Variants in GALNT1 observed in about 807,000 individuals in gnomAD.
GALNT1 encodes the protein GalNAc transferase 1.
Under a neutral mutation model 65.7 loss-of-function variants are expected in GALNT1, and 17 were observed. The observed-to-expected ratio is 0.26, with a 90% CI of 0.18 to 0.39. GALNT1 has a LOEUF of 0.39. Among genes scored for constraint, GALNT1 ranks in the 10% least tolerant of loss-of-function variants. The pLI is 1.00. For missense variants in GALNT1, 460 were observed against 672.8 expected (o/e 0.68, Z 3.50); for synonymous variants, 210 against 219.7 (o/e 0.96, Z 0.39).
At chr18:35,684,179 C>A (rs2144612115) in intron 5 of GALNT1, among the ~76,000 whole-genome samples, 1 of 152,322 alleles carries the variant, frequency 6.6e-6, no homozygotes, top group African/African-American at 2.4e-5. Flanking sequence ...AACCTGACTT[C>A]AGTCTGCTAG....
rs1234471657 is a variant in GALNT1 at position 35,599,584 on chromosome 18, A to G, written c.-104+17722A>G. On this transcript the variant is annotated intron_variant, in intron 1 of 11. Coordinates refer to ENST00000269195, the MANE Select transcript of GALNT1 (RefSeq NM_020474.4). ...ACCTGGTTTCACCAGGCTGGTCCCA[A>G]ACTCCTGAGCTCAAGCAGTCTGCCC... 3.9e-5 allele frequency among the ~76,000 whole-genome samples: 6 copies of G among 152,166 alleles called. No individual in the cohort carries two copies. In the East Asian group the frequency reaches 1.2e-3, roughly 29 times the overall value.
intron 1 of GALNT1, among the ~76,000 whole-genome samples, chr18:35,614,090 A>G (rs2046752238): frequency 6.6e-6 from 1 of 152,244 alleles, no homozygotes; most frequent in African/African-American, 2.4e-5. Flanking sequence ...AGACCGTGTA[A>G]TCAGGCATTC....
chr18:35,703,592 G>A lies in GALNT1; in HGVS notation c.1482G>A (p.Met494Ile), dbSNP rs750493267. ...CCAAACTTAATGGCCCAGTTACAAT[G>A]CTCAAATGCCACCACCTAAAAGGCA... ...DVSKLNGPVT[M>I]LKCHHLKGNQ... Residue 494 changes from methionine (M) to isoleucine (I), a missense_variant, in exon 11 of 12, where the codon ATG (methionine) becomes ATA (isoleucine). Physicochemically the swap from Met to Ile is conservative, Grantham distance 10. Transcript: ENST00000269195. 6 of 1,613,974 alleles carry A rather than the reference G, an allele frequency of 3.7e-6. No individual in the cohort carries two copies. The South Asian group carries it at 6.6e-5, about 18-fold the overall frequency.
chr18:35,627,419 A>G (rs1485225762), intron 1 of GALNT1: 3 of 152,144 alleles, frequency 2.0e-5, no homozygotes, highest in Non-Finnish European at 4.4e-5. Context: ...TAGGACATTC[A>G]TTTTTCAACA....
At position 35,692,192 on chromosome 18, in the gene GALNT1, G is replaced by T; in HGVS notation, c.1171G>T (p.Val391Leu). 6.2e-7 allele frequency: 1 copy of T among 1,607,084 alleles called. No homozygotes were observed. The highest frequency in any genetic ancestry group is 8.5e-7 in the Non-Finnish European group (1 of 1,176,990). ...ATTTCTTTCAACAGGTGTTACAAAG[G>T]TAGATTATGGAGATATATCGTCAAG... Reference protein sequence around the residue: ...FYIISPGVTKVDYGDISSRVG... With the variant: ...FYIISPGVTKLDYGDISSRVG... The change falls in exon 9 of 12, where the codon GTA (valine) becomes TTA (leucine). Residue 391 changes from valine to leucine, a missense_variant. Coordinates refer to ENST00000269195, the MANE Select transcript of GALNT1 (RefSeq NM_020474.4).
intron 3 of GALNT1, among the ~76,000 whole-genome samples, chr18:35,673,625 A>G (rs1461466095): frequency 2.0e-5 from 3 of 152,210 alleles, no homozygotes; most frequent in Non-Finnish European, 4.4e-5. Context: ...TTTTTTAGAG[A>G]TGGAGTCTCA....
chr18:35,601,219 A>G (rs534087482), intron 1 of GALNT1, among the ~76,000 whole-genome samples: 1 of 152,024 alleles, frequency 6.6e-6, no homozygotes, highest in South Asian at 2.1e-4. Context: ...TAGGTTTTCC[A>G]ATTTTTTGGT....
chr18:35,632,003 G>C, intron 1 of GALNT1, among the ~76,000 whole-genome samples: 1 of 152,132 alleles, frequency 6.6e-6, no homozygotes, highest in South Asian at 2.1e-4. Flanking sequence ...GGATGTGAAG[G>C]ACCTCTTCAA....
At chr18:35,670,538 C>G (rs993968542) in intron 3 of GALNT1, among the ~76,000 whole-genome samples, 3 of 152,126 alleles carry the variant, frequency 2.0e-5, no homozygotes, top group Non-Finnish European at 4.4e-5. Context: ...TTCATGGGGT[C>G]AGACTCCTTA....
intron 1 of GALNT1, among the ~76,000 whole-genome samples, chr18:35,632,825 A>G (rs1486163121): frequency 1.3e-5 from 2 of 152,246 alleles, no homozygotes; most frequent in South Asian, 4.1e-4. Flanking sequence ...AATATCCAGA[A>G]TCTACAAAGA....
chr18:35,581,548 C>CTCGG (rs575908349), upstream of GALNT1, among the ~76,000 whole-genome samples: 1 of 141,642 alleles, frequency 7.1e-6, no homozygotes, highest in African/African-American at 2.5e-5. Context: ...CGCCCTGCGG[C>CTCGG]GCCCGCCGCG....
intron 5 of GALNT1, among the ~76,000 whole-genome samples, chr18:35,684,393 C>T (rs2047835188): frequency 6.6e-6 from 1 of 151,998 alleles, no homozygotes; most frequent in Non-Finnish European, 1.5e-5. Flanking sequence ...CAGCATTGGG[C>T]CAATCAATGG....
At chr18:35,682,555 C>T (rs1209167222) in intron 4 of GALNT1, among the ~76,000 whole-genome samples, 1 of 152,030 alleles carries the variant, frequency 6.6e-6, no homozygotes, top group African/African-American at 2.4e-5. Flanking sequence ...TTCTGTAAAC[C>T]AACCTGATCG....
rs956917254 is a variant in GALNT1, at chr18:35,710,648, A to T, written c.*878A>T. On this transcript the variant is annotated 3_prime_UTR_variant, in exon 12 of 12. Transcript: ENST00000269195. ...CAGTTGCTCTTGGGTCAACTGGCTT[A>T]CAGATTTACATGTGCACACACACAC... 1 of 152,650 alleles carries T rather than the reference A, an allele frequency of 6.6e-6. No homozygotes were observed. The highest frequency in any genetic ancestry group is 6.5e-5 in the Admixed American group (1 of 15,284). The allele number at this position is 152,650 out of a possible 1,614,324, so 9.5% of individuals were successfully genotyped here. A position where few individuals can be genotyped will look rare whatever the true frequency, so the allele number is the denominator to read the frequency against.
chr18:35,658,306 G>C (rs1379543849), intron 2 of GALNT1, among the ~76,000 whole-genome samples: 9 of 152,154 alleles, frequency 5.9e-5, no homozygotes, highest in Admixed American at 5.2e-4. Context: ...CAACAGCCTG[G>C]GGGTGTCAGG....
In GALNT1 at chr18:35,709,817, C is replaced by A; in HGVS notation, c.*47C>A. On this transcript the variant is annotated 3_prime_UTR_variant, in exon 12 of 12. Transcript: ENST00000269195. ...AAAAAAATAAGGATTGACTGGGCTA[C>A]CTCAGCATACATTTCTGCCACATTC... is the stretch of plus-strand genomic sequence containing the variant. The A allele has an allele frequency of 6.2e-7, 1 of 1,602,312 alleles. No homozygotes were observed.
intron 1 of GALNT1, among the ~76,000 whole-genome samples, chr18:35,621,042 C>G (rs552285697): frequency 7.2e-4 from 109 of 152,218 alleles, no homozygotes; most frequent in African/African-American, 2.4e-3. Context: ...AGGTCAGATT[C>G]ATTTTCCTGA....
intron 9 of GALNT1, among the ~76,000 whole-genome samples, chr18:35,699,885 A>G (rs2048127181): frequency 6.6e-6 from 1 of 152,236 alleles, no homozygotes; most frequent in South Asian, 2.1e-4. Flanking sequence ...ACATCTCATT[A>G]GAAAGCTGGT....
chr18:35,648,358 A>G (rs556024657), intron 1 of GALNT1, among the ~76,000 whole-genome samples: 4 of 152,326 alleles, frequency 2.6e-5, no homozygotes, highest in African/African-American at 7.2e-5. Flanking sequence ...TGTTCTGAGC[A>G]CATTTAAGGT....
Sources: allele counts gnomAD v4.1 joint callset (sites outside exome capture counted in the v4.1 genomes callset), GRCh38; gene constraint gnomAD v4.1.1; transcripts MANE v1.5; gene names NCBI Gene and HGNC (gene_info 2026-07-23, HGNC 2026-07-21).